The following MATN2 variants were observed in gnomAD, a reference collection of about 807,000 sequenced individuals.
The protein encoded by MATN2 is matrilin-2.
MATN2 carries 69 observed loss-of-function variants against 103.2 expected under a neutral mutation model. The observed-to-expected ratio is 0.67, with a 90% CI of 0.55 to 0.82. The LOEUF is 0.82. Among genes scored for constraint, MATN2 ranks in the 40% least tolerant of loss-of-function variants. The pLI is 0.00. For missense variants in MATN2, 1,023 were observed against 1,211.5 expected, an observed-to-expected ratio of 0.84 and a Z score of 2.31; for synonymous variants, 429 against 450.2, an observed-to-expected ratio of 0.95 and a Z score of 0.60.
intron 2 of MATN2, among the ~76,000 whole-genome samples, chr8:97,928,242 T>TC (rs1554603559): frequency 6.6e-5 from 5 of 76,050 alleles, no homozygotes; most frequent in African/African-American, 2.2e-4. Context: ...TTTTTTTTTT[T>TC]CTGAGGTGGA....
At chr8:98,008,494 T>G (rs538950014) in intron 10 of MATN2, among the ~76,000 whole-genome samples, 2 of 152,356 alleles carry the variant, frequency 1.3e-5, no homozygotes, top group African/African-American at 4.8e-5. Context: ...TTTTATATCA[T>G]CTATTCATCT....
At chr8:97,967,875 A>G (rs1811537174) in intron 5 of MATN2, among the ~76,000 whole-genome samples, 1 of 152,176 alleles carries the variant, frequency 6.6e-6, no homozygotes, top group Non-Finnish European at 1.5e-5. Flanking sequence ...CCAACCCTAC[A>G]TTTCCCTTTG....
intron 1 of MATN2, among the ~76,000 whole-genome samples, chr8:97,884,036 T>C (rs760016958): frequency 6.6e-6 from 1 of 152,228 alleles, no homozygotes. Flanking sequence ...GGTTTGTATG[T>C]CATTATTAGG....
At chr8:97,919,521 GATGCCC>G (rs1809742034) in intron 2 of MATN2, among the ~76,000 whole-genome samples, 1 of 152,030 alleles carries the variant, frequency 6.6e-6, no homozygotes, top group Non-Finnish European at 1.5e-5. Context: ...CATGAGCCAC[GATGCCC>G]AGCCGTCCCC....
At chr8:97,869,598 C>T (rs926767804) in intron 1 of MATN2, among the ~76,000 whole-genome samples, 45 of 152,216 alleles carry the variant, frequency 3.0e-4, no homozygotes, top group African/African-American at 1.0e-3. Flanking sequence ...CGGGGACGCC[C>T]AGACCCCGGC....
At chr8:97,940,324 A>G (rs1262436047) in intron 3 of MATN2, among the ~76,000 whole-genome samples, 1 of 152,220 alleles carries the variant, frequency 6.6e-6, no homozygotes, top group African/African-American at 2.4e-5. Flanking sequence ...AATGATAACA[A>G]TAAAAGAAAC....
At chr8:97,956,597 A>G (rs1477644437) in intron 4 of MATN2, among the ~76,000 whole-genome samples, 1 of 152,160 alleles carries the variant, frequency 6.6e-6, no homozygotes, top group Non-Finnish European at 1.5e-5. Flanking sequence ...AGGTGTTGCC[A>G]TGGCAATGGT....
At chr8:98,012,526 C>T (rs1813207320) in intron 10 of MATN2, among the ~76,000 whole-genome samples, 1 of 152,154 alleles carries the variant, frequency 6.6e-6, no homozygotes, top group South Asian at 2.1e-4. Context: ...AGAGAGCGAA[C>T]TGCAGGAAGT....
intron 6 of MATN2, among the ~76,000 whole-genome samples, chr8:97,989,404 G>A (rs961865858): frequency 2.0e-5 from 3 of 151,308 alleles, no homozygotes; most frequent in African/African-American, 7.3e-5. Flanking sequence ...GGGAGGCAGA[G>A]CTTGCAGTGA....
chr8:97,987,972 T>C (rs1035337055), intron 6 of MATN2, among the ~76,000 whole-genome samples: 2 of 151,042 alleles, frequency 1.3e-5, no homozygotes, highest in Non-Finnish European at 2.9e-5. Context: ...AGACACAAAT[T>C]ACTAATATCA....
intron 2 of MATN2, among the ~76,000 whole-genome samples, chr8:97,912,112 C>T (rs1422864999): frequency 1.3e-5 from 2 of 152,214 alleles, no homozygotes; most frequent in Non-Finnish European, 2.9e-5. Flanking sequence ...ACCTGCTTCT[C>T]CCTTTATGTA....
rs574792267 is a variant in MATN2 at position 97,869,467 on chromosome 8, G to C, written c.-27+180G>C. ...GCGCCTTCGACCCCTCCGAGGACAG[G>C]GGGAGAGGGAGGGCGGCGCTGCCCG... is the stretch of plus-strand genomic sequence containing the variant. On this transcript the variant is annotated intron_variant, in intron 1 of 18. Transcript: ENST00000254898. Among the ~76,000 whole-genome samples, 763 of 152,108 alleles carry C rather than the reference G, an allele frequency of 5.0e-3. 7 individuals are homozygous for C. The highest frequency in any genetic ancestry group is 0.018 in the African/African-American group (729 of 41,546).
intron 10 of MATN2, among the ~76,000 whole-genome samples, chr8:98,015,614 A>G (rs1406149404): frequency 2.6e-5 from 4 of 152,162 alleles, no homozygotes; most frequent in South Asian, 4.1e-4. Flanking sequence ...CAGTGTCACC[A>G]TATCTGACAC....
intron 3 of MATN2, 45 bp from the exon 4 acceptor site, chr8:97,941,732 A>G: frequency 6.5e-7 from 1 of 1,545,494 alleles, no homozygotes; most frequent in Non-Finnish European, 8.8e-7. Context: ...ATGGAGTGAG[A>G]AAGGGCATCA....
At chr8:97,979,564 A>C (rs1811952996) in intron 6 of MATN2, among the ~76,000 whole-genome samples, 2 of 150,714 alleles carry the variant, frequency 1.3e-5, no homozygotes, top group Non-Finnish European at 3.0e-5. Flanking sequence ...TCGATAAACT[A>C]AAGATGATCA....
chr8:97,954,543 T>C (rs1586086610), intron 4 of MATN2, among the ~76,000 whole-genome samples: 1 of 152,192 alleles, frequency 6.6e-6, no homozygotes, highest in Non-Finnish European at 1.5e-5. Context: ...GTGGCCTCTT[T>C]GAATGCAGCT....
intron 2 of MATN2, 87 bp downstream of exon 2, chr8:97,888,329 A>G: frequency 7.4e-7 from 1 of 1,350,440 alleles, no homozygotes; most frequent in Admixed American, 3.6e-5. Flanking sequence ...CTGTTTGAGA[A>G]GCTTTCCTTT....
intron 5 of MATN2, 27 bp from the exon 6 acceptor site, chr8:97,978,859 A>G (rs901986724): frequency 1.2e-5 from 20 of 1,612,984 alleles, no homozygotes; most frequent in Non-Finnish European, 1.7e-5. Context: ...TGCATTTCTA[A>G]TTCTGAATGT....
At chr8:97,988,189 T>TATATATATATATATATACACACACAC (rs71570279) in intron 6 of MATN2, among the ~76,000 whole-genome samples, 2 of 54,958 alleles carry the variant, frequency 3.6e-5, no homozygotes, top group African/African-American at 1.6e-4. Context: ...TATATATATA[T>TATATATATATATATATACACACACAC]ACACACACAC....
Sources: allele counts gnomAD v4.1 joint callset (sites outside exome capture counted in the v4.1 genomes callset), GRCh38; gene constraint gnomAD v4.1.1; transcripts MANE v1.5; gene names NCBI Gene and HGNC (gene_info 2026-07-23, HGNC 2026-07-21).